Variants in VAV3 observed in about 807,000 individuals in gnomAD.
VAV3 encodes guanine nucleotide exchange factor VAV3.
A neutral mutation model predicts 131.2 loss-of-function variants in VAV3; 94 were observed. That is an observed-to-expected ratio of 0.72 (90% CI 0.61 to 0.85). The LOEUF (loss-of-function observed/expected upper bound fraction) is 0.85, where lower values mean the gene tolerates loss of function less well. Among genes scored for constraint, VAV3 ranks in the 40% least tolerant of loss-of-function variants. VAV3 has a pLI of 0.00. For synonymous variants in VAV3, 349 were observed against 342.0 expected (o/e 1.02, Z -0.22); for missense variants, 939 against 1,002.7 (o/e 0.94, Z 0.86).
chr1:107,810,684 C>T (rs1461659871), intron 2 of VAV3, among the ~76,000 whole-genome samples: 1 of 151,936 alleles, frequency 6.6e-6, no homozygotes, highest in Non-Finnish European at 1.5e-5. Flanking sequence ...CTGAACAATC[C>T]TATTTTTCTA....
intron 20 of VAV3, among the ~76,000 whole-genome samples, chr1:107,633,597 A>G (rs1654677858): frequency 6.6e-6 from 1 of 152,072 alleles, no homozygotes; most frequent in Non-Finnish European, 1.5e-5. Flanking sequence ...ACCTCCTGGT[A>G]TTTGATTGGT....
chr1:107,865,281 G>T (rs934958765), intron 2 of VAV3, among the ~76,000 whole-genome samples: 5 of 152,132 alleles, frequency 3.3e-5, no homozygotes, highest in African/African-American at 1.2e-4. Flanking sequence ...TGAAACTGAG[G>T]GAATGTGCAG....
intron 25 of VAV3, among the ~76,000 whole-genome samples, chr1:107,590,810 C>T (rs1471350952): frequency 6.6e-6 from 1 of 152,168 alleles, no homozygotes. Context: ...TCTGCTGTCA[C>T]TATGCAACTC....
chr1:107,776,718 C>A (rs1665379890), intron 4 of VAV3, among the ~76,000 whole-genome samples: 1 of 152,208 alleles, frequency 6.6e-6, no homozygotes, highest in Non-Finnish European at 1.5e-5. Context: ...TATTTGTAAT[C>A]TGTACAAGTC....
chr1:107,802,099 A>G (rs1395835257), intron 2 of VAV3, among the ~76,000 whole-genome samples: 3 of 151,980 alleles, frequency 2.0e-5, no homozygotes, highest in Non-Finnish European at 4.4e-5. Context: ...TAGTTATTTT[A>G]TGTTCTTTGT....
chr1:107,713,737 T>C (rs1367229222), intron 15 of VAV3, among the ~76,000 whole-genome samples: 1 of 152,142 alleles, frequency 6.6e-6, no homozygotes, highest in Non-Finnish European at 1.5e-5. Context: ...AATACAACTG[T>C]GTGCCTTCCC....
At chr1:107,636,690 T>C (rs1036252285) in intron 20 of VAV3, among the ~76,000 whole-genome samples, 2 of 152,188 alleles carry the variant, frequency 1.3e-5, no homozygotes, top group African/African-American at 4.8e-5. Flanking sequence ...CCTCCAAGTA[T>C]AGTTTCTACT....
chr1:107,682,418 A>G (rs568586014), intron 19 of VAV3, among the ~76,000 whole-genome samples: 1 of 152,316 alleles, frequency 6.6e-6, no homozygotes, highest in Non-Finnish European at 1.5e-5. Flanking sequence ...GTCACTTCTA[A>G]ATATTATTGC....
Position 107,964,646 on chromosome 1 carries a change from GC to G in VAV3, c.204+19del, listed in dbSNP as rs745605589. 7.5e-6 allele frequency: 12 copies of G among 1,605,054 alleles called. No homozygotes were observed. ...GGGAGCTGCCGGCTGGAGGCGGGGC[GC>G]CCGTGCCGGCCTCCTCACCTGGGAC... On this transcript the variant is annotated intron_variant, in intron 1 of 26. Transcript: ENST00000370056.
rs754922310 is a variant in VAV3, at chr1:107,576,408, G to A, written c.2351-2210C>T. 6.6e-6 allele frequency: 10 copies of A among 1,523,386 alleles called. No homozygotes were observed. The South Asian group carries it at 1.2e-4, about 19-fold the overall frequency. The allele number at this position is 1,523,386 out of a possible 1,614,324, so 94.4% of individuals were successfully genotyped here. A position where few individuals can be genotyped will look rare whatever the true frequency, so the allele number is the denominator to read the frequency against. ...AAGCAGTACCTGACCAGAAAGGAGT[G>A]GAAGAAGGGGGAACAAAGCTGTAGT... On this transcript the variant is annotated intron_variant, in intron 25 of 26. Coordinates refer to ENST00000370056, the MANE Select transcript of VAV3 (RefSeq NM_006113.5).
chr1:107,699,305 G>A (rs1008569690), intron 17 of VAV3, among the ~76,000 whole-genome samples: 5 of 152,248 alleles, frequency 3.3e-5, no homozygotes, highest in African/African-American at 9.6e-5. Flanking sequence ...CCCCATGCAA[G>A]TCTGAAATCC....
intron 20 of VAV3, among the ~76,000 whole-genome samples, chr1:107,630,697 T>C (rs1654400903): frequency 6.6e-6 from 1 of 152,162 alleles, no homozygotes; most frequent in Non-Finnish European, 1.5e-5. Context: ...GGGAGTCACA[T>C]ATTTTAGGAT....
At chr1:107,671,447 T>C (rs961499389) in intron 19 of VAV3, among the ~76,000 whole-genome samples, 1 of 152,216 alleles carries the variant, frequency 6.6e-6, no homozygotes, top group African/African-American at 2.4e-5. Context: ...AAATTAGAAC[T>C]TGAAAGTGTA....
chr1:107,595,095 C>T (rs1225001313), intron 25 of VAV3, among the ~76,000 whole-genome samples: 1 of 152,044 alleles, frequency 6.6e-6, no homozygotes, highest in East Asian at 1.9e-4. Flanking sequence ...CTAAAATAAT[C>T]AGGTAATCTT....
intron 15 of VAV3, among the ~76,000 whole-genome samples, chr1:107,722,840 C>CTTTTTTTTTTTTTT (rs374127110): frequency 7.7e-6 from 1 of 129,810 alleles, no homozygotes; most frequent in Non-Finnish European, 1.6e-5. Context: ...ATTATCCTCT[C>CTTTTTTTTTTTTTT]TTTTTTTTTT....
At chr1:107,918,799 G>A (rs981262384) in intron 1 of VAV3, among the ~76,000 whole-genome samples, 4 of 149,572 alleles carry the variant, frequency 2.7e-5, no homozygotes, top group African/African-American at 9.9e-5. Context: ...TCTGCCTCCC[G>A]AGTTCAAGCA....
At chr1:107,691,271 G>GA (rs34130275) in intron 17 of VAV3, among the ~76,000 whole-genome samples, 1 of 152,110 alleles carries the variant, frequency 6.6e-6, no homozygotes, top group Admixed American at 6.5e-5. Context: ...CATTCTGGCT[G>GA]AAAAAATGGA....
chr1:107,635,871 G>A (rs555831993), intron 20 of VAV3, among the ~76,000 whole-genome samples: 9 of 152,292 alleles, frequency 5.9e-5, no homozygotes, highest in African/African-American at 1.7e-4. Flanking sequence ...CCGAATAACA[G>A]CTCTGCTAAG....
At chr1:107,778,197 A>G (rs1049445019) in intron 3 of VAV3, among the ~76,000 whole-genome samples, 1 of 152,232 alleles carries the variant, frequency 6.6e-6, no homozygotes, top group African/African-American at 2.4e-5. Context: ...TGACTTATGG[A>G]TTAATTTAAT....
Sources: allele counts gnomAD v4.1 joint callset (sites outside exome capture counted in the v4.1 genomes callset), GRCh38; gene constraint gnomAD v4.1.1; transcripts MANE v1.5; gene names NCBI Gene and HGNC (gene_info 2026-07-23, HGNC 2026-07-21).